CFAP221: variants seen among roughly 807,000 people sequenced by gnomAD.
The protein encoded by CFAP221 is cilia and flagella associated protein 221.
A neutral mutation model predicts 113.1 loss-of-function variants in CFAP221; 97 were observed. The ratio of observed to expected loss-of-function variants is 0.86; its 90% CI spans 0.73 to 1.02. The LOEUF (loss-of-function observed/expected upper bound fraction) is 1.02, where lower values mean the gene tolerates loss of function less well. Among genes scored for constraint, CFAP221 ranks in the 50% least tolerant of loss-of-function variants. The probability of loss-of-function intolerance (pLI) is 0.00; values close to 1 mark genes in which losing one functional copy is unlikely to be tolerated. For missense variants in CFAP221, 1,025 were observed against 1,013.4 expected, an observed-to-expected ratio of 1.01 and a Z score of -0.16; for synonymous variants, 331 against 354.4, an observed-to-expected ratio of 0.93 and a Z score of 0.74.
rs1027670822 is a variant in CFAP221, at chr2:119,598,934, G to A, written c.632-2284G>A. ...TTAATGAGCTAGAGCAGAAGCAATAGAATGCTTTTATTTTAGAGCCCCGGG... is the reference window on the plus strand; with the variant it reads ...TTAATGAGCTAGAGCAGAAGCAATAAAATGCTTTTATTTTAGAGCCCCGGG... On this transcript the variant is annotated intron_variant, in intron 7 of 23. Coordinates refer to ENST00000413369, the MANE Select transcript of CFAP221 (RefSeq NM_001271049.2). 2.6e-5 allele frequency among the ~76,000 whole-genome samples: 4 copies of A among 152,166 alleles called. 1 individual carries two copies. The East Asian group carries it at 7.7e-4, about 29-fold the overall frequency.
chr2:119,648,394 T>A (rs191882675), intron 22 of CFAP221: 2 of 243,850 alleles, frequency 8.2e-6, no homozygotes, highest in Non-Finnish European at 1.9e-5. Flanking sequence ...TGAATACATA[T>A]TTCTGATATT....
intron 14 of CFAP221, among the ~76,000 whole-genome samples, chr2:119,625,381 A>G (rs1686226554): frequency 6.6e-6 from 1 of 152,182 alleles, no homozygotes; most frequent in Non-Finnish European, 1.5e-5. Flanking sequence ...TCTTTTTTGT[A>G]TTCAGGCAAG....
intron 2 of CFAP221, among the ~76,000 whole-genome samples, chr2:119,548,868 A>G (rs997631049): frequency 1.3e-5 from 2 of 152,210 alleles, no homozygotes; most frequent in Non-Finnish European, 1.5e-5. Context: ...TATTGTAATG[A>G]TAGTATCTCC....
intron 14 of CFAP221, among the ~76,000 whole-genome samples, chr2:119,624,187 A>G (rs1051465847): frequency 6.6e-6 from 1 of 152,092 alleles, no homozygotes; most frequent in Non-Finnish European, 1.5e-5. Flanking sequence ...AAAACAAACA[A>G]CCCCATCAAA....
rs901070546 is a variant in CFAP221, at chr2:119,584,586, CA to C, written c.528-2521del. Among the ~76,000 whole-genome samples, 238 of 126,822 alleles carry C rather than the reference CA, an allele frequency of 1.9e-3. 1 individual carries two copies. Among genetic ancestry groups the C allele is most frequent in the African/African-American group, 3.0e-3 (104 of 34,988 alleles). 83.2% of individuals were successfully genotyped at this position (126,822 alleles called of 152,430 possible). Reference sequence around the variant, plus strand: ...TGGGTGACAAAGTGAGACTGTGTCTCAAAAAAAAAAAAGAAGAATTTACAAA... The same window carrying C: ...TGGGTGACAAAGTGAGACTGTGTCTCAAAAAAAAAAAGAAGAATTTACAAA... On this transcript the variant is annotated intron_variant, in intron 6 of 23. Transcript: ENST00000413369.
chr2:119,573,553 C>T (rs1396381889), intron 6 of CFAP221: 2 of 152,190 alleles, frequency 1.3e-5, no homozygotes, highest in Admixed American at 1.3e-4. Context: ...CATTTAACAA[C>T]AGCCTAGCTG....
rs760871327 is a variant in CFAP221 at position 119,608,503 on chromosome 2, C to T, written c.1135C>T (p.Gln379Ter). ...HEEMENHLKWQVHLGKDPMSF... is the reference protein window; with the variant it reads ...HEEMENHLKW ...ACAGTTTTTTTTTTTTCTCCCCAGG[C>T]AGGTGCACCTTGGTAAAGATCCTAT... Residue 379 changes from glutamine to a stop codon, truncating the protein, a stop_gained and splice_region_variant, in exon 12 of 24, where the codon CAG becomes TAG. Coordinates refer to ENST00000413369, the MANE Select transcript of CFAP221 (RefSeq NM_001271049.2). LOFTEE classifies it high-confidence loss of function. The T allele has an allele frequency of 6.3e-7, 1 of 1,593,042 alleles. No individual in the cohort carries two copies. The highest frequency in any genetic ancestry group is 1.8e-5 in the Admixed American group (1 of 56,656).
Position 119,587,116 on chromosome 2 carries a change from C to T in CFAP221, c.528-3C>T. 6.7e-7 allele frequency: 1 copy of T among 1,494,334 alleles called. No individual in the cohort carries two copies. Among genetic ancestry groups the T allele is most frequent in the African/African-American group, 1.4e-5 (1 of 71,038 alleles). 92.6% of individuals were successfully genotyped at this position (1,494,334 alleles called of 1,614,324 possible). A position where few individuals can be genotyped will look rare whatever the true frequency, so the allele number is the denominator to read the frequency against. ...TTTATTTTCTTTTTTGTTTGTTTTG[C>T]AGCAAAACTTATGTTATTCCTTTGC... is the stretch of plus-strand genomic sequence containing the variant. On this transcript the variant is annotated splice_polypyrimidine_tract_variant and splice_region_variant and intron_variant, in intron 6 of 23. Coordinates refer to ENST00000413369, the MANE Select transcript of CFAP221 (RefSeq NM_001271049.2).
At chr2:119,580,259 G>A (rs1384594673) in intron 6 of CFAP221, 1 of 152,126 alleles carries the variant, frequency 6.6e-6, no homozygotes, top group Non-Finnish European at 1.5e-5. Flanking sequence ...TTGTGAGTTT[G>A]GTAGACAATC....
At chr2:119,651,396 T>G (rs1688119726) in intron 22 of CFAP221, among the ~76,000 whole-genome samples, 1 of 151,972 alleles carries the variant, frequency 6.6e-6, no homozygotes, top group Non-Finnish European at 1.5e-5. Flanking sequence ...AAAAAAAAAG[T>G]TGTGTAGTTG....
At chr2:119,590,246 A>C (rs1340875985) in intron 7 of CFAP221, 1 of 152,248 alleles carries the variant, frequency 6.6e-6, no homozygotes, top group Non-Finnish European at 1.5e-5. Flanking sequence ...TAAGCCACTT[A>C]CAAATAATTT....
chr2:119,641,743 C>T (rs1421999446), intron 21 of CFAP221, among the ~76,000 whole-genome samples: 1 of 152,180 alleles, frequency 6.6e-6, no homozygotes, highest in Non-Finnish European at 1.5e-5. Context: ...GCAGTCACTC[C>T]ATCGCCACCA....
intron 13 of CFAP221, among the ~76,000 whole-genome samples, chr2:119,612,427 G>A (rs764934287): frequency 3.9e-5 from 6 of 152,188 alleles, no homozygotes; most frequent in African/African-American, 1.2e-4. Context: ...TGAGAAGAAT[G>A]AAAACCAAGC....
downstream of CFAP221, among the ~76,000 whole-genome samples, chr2:119,659,646 CT>C (rs1688551857): frequency 5.4e-5 from 1 of 18,552 alleles, no homozygotes; most frequent in Non-Finnish European, 2.1e-4. Flanking sequence ...CCATGTGCTC[CT>C]CTGCATTCCT....
intron 6 of CFAP221, among the ~76,000 whole-genome samples, chr2:119,575,409 T>C (rs373968156): frequency 5.3e-5 from 8 of 152,190 alleles, no homozygotes; most frequent in Non-Finnish European, 8.8e-5. Flanking sequence ...TCTGCAACTC[T>C]GGTGAGGTGC....
intron 6 of CFAP221, among the ~76,000 whole-genome samples, chr2:119,576,165 T>C (rs952781480): frequency 6.6e-6 from 1 of 152,214 alleles, no homozygotes; most frequent in African/African-American, 2.4e-5. Context: ...AAACTAAAGT[T>C]TTATTTGGGA....
chr2:119,606,418 T>C (rs1378696850), intron 11 of CFAP221, among the ~76,000 whole-genome samples: 1 of 152,108 alleles, frequency 6.6e-6, no homozygotes, highest in South Asian at 2.1e-4. Flanking sequence ...TGAAGCCCTC[T>C]GAAGGTGCCC....
At chr2:119,643,157 A>G (rs1160510307) in intron 21 of CFAP221, among the ~76,000 whole-genome samples, 1 of 152,288 alleles carries the variant, frequency 6.6e-6, no homozygotes, top group South Asian at 2.1e-4. Context: ...CTTCCTATAA[A>G]TCCATTAATG....
intron 7 of CFAP221, among the ~76,000 whole-genome samples, chr2:119,596,509 C>A (rs1344094246): frequency 6.6e-6 from 1 of 152,186 alleles, no homozygotes; most frequent in South Asian, 2.1e-4. Context: ...CCACATCCCC[C>A]CATCAGTACA....
Sources: gnomAD v4.1 joint callset for allele counts (sites outside exome capture counted in the v4.1 genomes callset) on GRCh38, gnomAD v4.1.1 for gene constraint, MANE v1.5 for transcripts, NCBI Gene and HGNC (gene_info 2026-07-23, HGNC 2026-07-21) for gene names.